Variants in PRIM1 observed in about 807,000 individuals in gnomAD.
PRIM1 encodes the protein DNA primase subunit 1.
In PRIM1, 38 loss-of-function variants were observed where a neutral mutation model predicts 60.2. The ratio of observed to expected loss-of-function variants is 0.63; its 90% CI spans 0.49 to 0.83. The LOEUF (loss-of-function observed/expected upper bound fraction) is 0.83, where lower values mean the gene tolerates loss of function less well. PRIM1 is among the 40% of genes least tolerant of loss of function. The pLI, the probability that PRIM1 is intolerant of heterozygous loss-of-function variation, is 0.00. For missense variants in PRIM1, 388 were observed against 506.2 expected, an observed-to-expected ratio of 0.77 and a Z score of 2.24; for synonymous variants, 158 against 160.2, an observed-to-expected ratio of 0.99 and a Z score of 0.10.
chr12:56,737,806 C>T (rs1953843938), intron 11 of PRIM1, among the ~76,000 whole-genome samples: 1 of 152,134 alleles, frequency 6.6e-6, no homozygotes, highest in South Asian at 2.1e-4. Flanking sequence ...CTCACTGCAA[C>T]CCCTGCCTCC....
Position 56,738,456 on chromosome 12 carries a change from A to G in PRIM1, c.1122T>C (p.Ser374=). ...TACCTCTGGTTCTATGTTTGACATC[A>G]GATTCAGCTTCATTCTCCTCTTTTT... ...EEEKEENEAE[S]DVKHRTRDYK... Residue 374 remains serine, a synonymous_variant, in exon 11 of 13, where the codon TCT becomes TCC. Coordinates refer to ENST00000338193, the MANE Select transcript of PRIM1 (RefSeq NM_000946.3). The G allele has an allele frequency of 5.0e-6, 8 of 1,584,510 alleles. No individual in the cohort carries two copies. The highest frequency in any genetic ancestry group is 6.9e-6 in the Non-Finnish European group (8 of 1,163,676).
Position 56,743,060 on chromosome 12 carries a change from T to C in PRIM1, c.675A>G (p.Glu225=), listed in dbSNP as rs1485554581. The change falls in exon 7 of 13, where the codon GAA becomes GAG. Residue 225 remains glutamate (E), a synonymous_variant. Coordinates refer to ENST00000338193, the MANE Select transcript of PRIM1 (RefSeq NM_000946.3). ...GAATATCTTGATTAACCAAGGCATA[T>C]TCTTCAAAGTATTTTTTTATTATGT... The part of the protein sequence containing the change: ...SINIIKKYFE[E]YALVNQDILE... 1.3e-6 allele frequency: 2 copies of C among 1,531,802 alleles called. No homozygotes were observed. Among genetic ancestry groups the C allele is most frequent in the Non-Finnish European group, 1.8e-6 (2 of 1,142,576 alleles). The allele number at this position is 1,531,802 out of a possible 1,614,324, so 94.9% of individuals were successfully genotyped here.
At chr12:56,732,633 A>G (rs927106846) in intron 12 of PRIM1, among the ~76,000 whole-genome samples, 3 of 152,166 alleles carry the variant, frequency 2.0e-5, no homozygotes, top group Admixed American at 6.6e-5. Flanking sequence ...CTTTGGATTT[A>G]TAGCCCATCA....
In PRIM1 at chr12:56,734,164, T is replaced by G; in HGVS notation, c.1226A>C (p.Glu409Ala). Residue 409 changes from glutamate to alanine, a missense_variant, in exon 12 of 13, where the codon GAA becomes GCA. Glu to Ala is a moderately radical substitution (Grantham distance 107). Around this residue, in one of 3 missense-constraint regions of PRIM1, gnomAD observed 211 missense variants for 277.9 expected, o/e 0.76. Transcript: ENST00000338193. ...LENLDKSRKG[E>A]LLKKSDLQKD... is the part of the protein sequence containing the mutation. ...CGTCTTACCACTCTTCTTAAGAAGTTCTCCTTTTCGGGATTTATCCAGATT... is the reference window on the plus strand; with the variant it reads ...CGTCTTACCACTCTTCTTAAGAAGTGCTCCTTTTCGGGATTTATCCAGATT... The G allele has an allele frequency of 6.2e-7, 1 of 1,602,686 alleles. No individual in the cohort carries two copies. Among genetic ancestry groups the G allele is most frequent in the East Asian group, 2.2e-5 (1 of 44,760 alleles).
intron 1 of PRIM1, among the ~76,000 whole-genome samples, chr12:56,751,966 G>GTTTTTTTTT (rs66861394): frequency 1.3e-5 from 1 of 79,364 alleles, no homozygotes; most frequent in East Asian, 3.8e-4. Context: ...CGGCGGCTCT[G>GTTTTTTTTT]TTTTTTTTTT....
intron 4 of PRIM1, 24 bp downstream of exon 4, chr12:56,746,757 C>T: frequency 6.2e-7 from 1 of 1,608,688 alleles, no homozygotes; most frequent in Non-Finnish European, 8.5e-7. Flanking sequence ...CACTTGACCC[C>T]ATTCAGAAAC....
At position 56,746,914 on chromosome 12, in the gene PRIM1, C is replaced by T. The variant is rs1953912561; in HGVS notation, c.368+12G>A. On this transcript the variant is annotated intron_variant, in intron 3 of 12. Transcript: ENST00000338193. ...TACCACCCACCCTAACAGCAAGACA[C>T]ACAGTGCTCACCTACAACATCTCCT... 2 of 1,612,852 alleles carry T rather than the reference C, an allele frequency of 1.2e-6. No individual in the cohort carries two copies. Among genetic ancestry groups the T allele is most frequent in the Non-Finnish European group, 1.7e-6 (2 of 1,179,070 alleles).
intron 7 of PRIM1, among the ~76,000 whole-genome samples, chr12:56,742,482 T>C (rs1276501184): frequency 1.3e-5 from 2 of 151,910 alleles, no homozygotes; most frequent in Non-Finnish European, 2.9e-5. Context: ...GGCAGGAGAA[T>C]TGTTTGAACC....
At chr12:56,740,584 A>C (rs1438354695) in intron 9 of PRIM1, among the ~76,000 whole-genome samples, 1 of 152,074 alleles carries the variant, frequency 6.6e-6, no homozygotes, top group Non-Finnish European at 1.5e-5. Context: ...GTTCAAGACC[A>C]ACCTGGGCAA....
chr12:56,748,630 A>C (rs1240612565), intron 2 of PRIM1, among the ~76,000 whole-genome samples: 2 of 151,430 alleles, frequency 1.3e-5, no homozygotes, highest in African/African-American at 4.9e-5. Flanking sequence ...CTGTCTCAAA[A>C]AAAAAAAAAA....
chr12:56,739,877 G>A (rs1334491073), intron 9 of PRIM1, among the ~76,000 whole-genome samples: 4 of 152,104 alleles, frequency 2.6e-5, no homozygotes, highest in East Asian at 1.9e-4. Context: ...AGTGGCTCAC[G>A]CCTGTAATCC....
At chr12:56,752,120 A>G (rs1423644368) in intron 1 of PRIM1, 76 bp downstream of exon 1, 4 of 1,092,434 alleles carry the variant, frequency 3.7e-6, no homozygotes, top group Non-Finnish European at 5.3e-6. Context: ...AAGGCGCTTC[A>G]TATTGTCATT....
chr12:56,749,172 C>T (rs1953929110), intron 2 of PRIM1, among the ~76,000 whole-genome samples: 1 of 152,030 alleles, frequency 6.6e-6, no homozygotes. Flanking sequence ...CCGTGCCCGG[C>T]TGTTTTTGTA....
intron 2 of PRIM1, among the ~76,000 whole-genome samples, chr12:56,749,216 C>T (rs1387623758): frequency 6.6e-6 from 1 of 152,088 alleles, no homozygotes; most frequent in Non-Finnish European, 1.5e-5. Context: ...ACCATGTTGG[C>T]CAGGCTGGTC....
At chr12:56,746,357 G>T (rs574438613) in intron 4 of PRIM1, 176 bp from the exon 5 acceptor site, 2 of 849,656 alleles carry the variant, frequency 2.4e-6, no homozygotes, top group South Asian at 2.9e-5. Context: ...ATTAGGCCAG[G>T]TGTGGTAGCT....
rs1447124157 is a variant in PRIM1, at chr12:56,741,510, G to C, written c.907C>G (p.Pro303Ala). Residue 303 changes from proline to alanine, a missense_variant, in exon 9 of 13, where the codon CCA becomes GCA. Around this residue, in one of 3 missense-constraint regions of PRIM1, gnomAD observed 211 missense variants for 277.9 expected, o/e 0.76. Transcript: ENST00000338193. ...EWEIMLQYCF[P>A]RLDINVSKGI... ...TTGCTGACATTGATATCCAGCCGTG[G>C]AAAACAGTACTGGAGCATAATCTCC... is the stretch of plus-strand genomic sequence containing the variant. The C allele has an allele frequency of 6.2e-7, 1 of 1,613,630 alleles. No homozygotes were observed. The highest frequency in any genetic ancestry group is 8.5e-7 in the Non-Finnish European group (1 of 1,179,678).
chr12:56,734,893 C>T (rs1292559888), intron 11 of PRIM1, among the ~76,000 whole-genome samples: 1 of 148,686 alleles, frequency 6.7e-6, no homozygotes, highest in Non-Finnish European at 1.5e-5. Context: ...CTTACTGCAA[C>T]TTCCGCCTCC....
Position 56,738,404 on chromosome 12 carries a change from T to C in PRIM1, c.1144+30A>G, listed in dbSNP as rs1049644963. 8.4e-6 allele frequency: 12 copies of C among 1,424,972 alleles called. No homozygotes were observed. The Admixed American group carries it at 1.3e-4, about 16-fold the overall frequency. 88.3% of individuals were successfully genotyped at this position (1,424,972 alleles called of 1,614,324 possible). ...GGATATCTATATAAAAACCCTGTAT[T>C]TAAAGTGAAGCTTCAAAATATTACC... is the stretch of plus-strand genomic sequence containing the variant. On this transcript the variant is annotated intron_variant, in intron 11 of 12. Transcript: ENST00000338193.
At chr12:56,738,243 T>C (rs1327400449) in intron 11 of PRIM1, among the ~76,000 whole-genome samples, 191 bp downstream of exon 11, 1 of 152,210 alleles carries the variant, frequency 6.6e-6, no homozygotes, top group Non-Finnish European at 1.5e-5. Flanking sequence ...TTAGGAAATA[T>C]GTGTTGAATC....
Sources: gnomAD v4.1 joint callset for allele counts (sites outside exome capture counted in the v4.1 genomes callset) on GRCh38, gnomAD v4.1.1 for gene constraint, gnomAD v4.1.1 regional missense constraint, MANE v1.5 for transcripts, NCBI Gene and HGNC (gene_info 2026-07-23, HGNC 2026-07-21) for gene names.